Variants in TBCK observed in about 807,000 individuals in gnomAD.
TBCK encodes TBC domain-containing protein kinase-like protein.
In TBCK, 99 loss-of-function variants were observed where a neutral mutation model predicts 113.4. The ratio of observed to expected loss-of-function variants is 0.87; its 90% CI spans 0.74 to 1.03. The LOEUF (loss-of-function observed/expected upper bound fraction) is 1.03. Among genes scored for constraint, TBCK ranks in the 50% least tolerant of loss-of-function variants. The pLI is 0.00. For synonymous variants in TBCK, 369 were observed against 370.8 expected (o/e 1.00, Z 0.05); for missense variants, 1,045 against 1,061.3 (o/e 0.98, Z 0.21).
intron 2 of TBCK, among the ~76,000 whole-genome samples, chr4:106,302,438 C>T (rs976596835): frequency 9.9e-5 from 15 of 152,248 alleles, no homozygotes; most frequent in East Asian, 3.9e-4. Flanking sequence ...CATGCTATAA[C>T]GCAGTTCCTA....
At chr4:106,195,197 G>T (rs1055579380) in intron 20 of TBCK, among the ~76,000 whole-genome samples, 1 of 151,920 alleles carries the variant, frequency 6.6e-6, no homozygotes, top group East Asian at 1.9e-4. Context: ...TTTGTCAAAG[G>T]TTTTTCTTTT....
Position 106,236,530 on chromosome 4 carries a change from G to T in TBCK, c.1221-11C>A. The stretch of plus-strand genomic sequence containing the variant: ...GGTAAATTAGACTGGCTGTAAAAGA[G>T]AACAAAAGCAATAAAAAAAAAAAAT... On this transcript the variant is annotated splice_polypyrimidine_tract_variant and intron_variant, in intron 13 of 25. Coordinates refer to ENST00000394708, the MANE Select transcript of TBCK (RefSeq NM_001163435.3). 6.9e-7 allele frequency: 1 copy of T among 1,459,202 alleles called. No individual in the cohort carries two copies. The highest frequency in any genetic ancestry group is 1.6e-5 in the South Asian group (1 of 62,998). The allele number at this position is 1,459,202 out of a possible 1,614,324, so 90.4% of individuals were successfully genotyped here.
At chr4:106,061,608 C>T (rs1409612381) in intron 25 of TBCK, among the ~76,000 whole-genome samples, 3 of 151,168 alleles carry the variant, frequency 2.0e-5, no homozygotes, top group Non-Finnish European at 4.4e-5. Context: ...ATATTTGCCT[C>T]ATTGGGTTGG....
chr4:106,133,351 C>T (rs1348258533), intron 23 of TBCK, among the ~76,000 whole-genome samples: 3 of 152,172 alleles, frequency 2.0e-5, no homozygotes, highest in Non-Finnish European at 4.4e-5. Context: ...ATTCACCTTC[C>T]ACCATGACTG....
At chr4:106,235,224 T>C (rs961064349) in intron 15 of TBCK, 45 bp downstream of exon 15, 6 of 1,341,018 alleles carry the variant, frequency 4.5e-6, no homozygotes, top group Non-Finnish European at 6.2e-6. Flanking sequence ...CTCCATCCTT[T>C]CTTTGCATAA....
chr4:106,136,701 C>G (rs1746601439), intron 23 of TBCK, among the ~76,000 whole-genome samples: 1 of 140,130 alleles, frequency 7.1e-6, no homozygotes, highest in Non-Finnish European at 1.6e-5. Flanking sequence ...ATCCTAATTT[C>G]CTGAAGCTTA....
At chr4:106,260,297 T>C (rs774697944) in intron 5 of TBCK, 140 bp downstream of exon 5, 8 of 382,292 alleles carry the variant, frequency 2.1e-5, no homozygotes, top group Non-Finnish European at 3.8e-5. Context: ...TAAAAGTATA[T>C]GGAAAATTGA....
At chr4:106,067,774 G>A (rs1424497285) in intron 25 of TBCK, among the ~76,000 whole-genome samples, 1 of 152,048 alleles carries the variant, frequency 6.6e-6, no homozygotes, top group African/African-American at 2.4e-5. Context: ...AATGGTCTTG[G>A]CACCTTTGTC....
At chr4:106,293,197 C>T (rs935826056) in intron 3 of TBCK, among the ~76,000 whole-genome samples, 4 of 152,180 alleles carry the variant, frequency 2.6e-5, no homozygotes, top group Non-Finnish European at 1.5e-5. Flanking sequence ...AGATTAAAGT[C>T]AAGACAGAAT....
intron 25 of TBCK, among the ~76,000 whole-genome samples, chr4:106,084,739 T>C (rs1739301690): frequency 6.6e-6 from 1 of 152,178 alleles, no homozygotes; most frequent in South Asian, 2.1e-4. Context: ...AACAGCGGAC[T>C]TCTCAGGAGA....
At chr4:106,298,352 G>A (rs1196104050) in intron 2 of TBCK, among the ~76,000 whole-genome samples, 2 of 151,918 alleles carry the variant, frequency 1.3e-5, no homozygotes, top group African/African-American at 2.4e-5. Flanking sequence ...GGTAGCTCAC[G>A]CCTGTAATCC....
intron 19 of TBCK, among the ~76,000 whole-genome samples, chr4:106,218,242 G>A (rs1163664043): frequency 4.7e-5 from 7 of 148,348 alleles, no homozygotes; most frequent in African/African-American, 1.5e-4. Context: ...AGACTTAAAC[G>A]TTAGACCTAA....
intron 25 of TBCK, among the ~76,000 whole-genome samples, chr4:106,047,607 G>T (rs17200375): frequency 0.017 from 2,587 of 152,182 alleles, 34 homozygotes; most frequent in Middle Eastern, 0.099. Context: ...CTCAGCTCCC[G>T]AAGTTTCTTG....
intron 24 of TBCK, among the ~76,000 whole-genome samples, chr4:106,105,826 C>A (rs968551952): frequency 6.6e-6 from 1 of 152,210 alleles, no homozygotes; most frequent in Non-Finnish European, 1.5e-5. Context: ...AATGCAAGAA[C>A]TCCAGTAACT....
At chr4:106,171,476 T>C (rs1016852899) in intron 22 of TBCK, among the ~76,000 whole-genome samples, 24 of 152,130 alleles carry the variant, frequency 1.6e-4, no homozygotes, top group Non-Finnish European at 3.5e-4. Context: ...AATTTGCTTA[T>C]ATATATTTGT....
Position 106,140,984 on chromosome 4 carries a change from T to C in TBCK, c.2236-24606A>G, listed in dbSNP as rs1163615199. On this transcript the variant is annotated intron_variant, in intron 23 of 25. Coordinates refer to ENST00000394708, the MANE Select transcript of TBCK (RefSeq NM_001163435.3). ...TGGCTTATATTTAGTTCCTATTGAA[T>C]ACCAGACAGTGTGTTGATAAGATAT... is the stretch of plus-strand genomic sequence containing the variant. Among the ~76,000 whole-genome samples, 4 of 140,564 alleles carry C rather than the reference T, an allele frequency of 2.8e-5. 1 individual carries two copies. Among genetic ancestry groups the C allele is most frequent in the Non-Finnish European group, 6.5e-5 (4 of 61,904 alleles). 92.2% of individuals were successfully genotyped at this position (140,564 alleles called of 152,430 possible).
rs1461277107 is a variant in TBCK, at chr4:106,092,478, G to C, written c.2571+3004C>G. On this transcript the variant is annotated intron_variant, in intron 25 of 25. Transcript: ENST00000394708. ...GCACTCGTTGGGGAGTCTTGGGCCG[G>C]GCAGGAGCCCACGGTGGGTTGGGGG... 2.0e-5 allele frequency among the ~76,000 whole-genome samples: 3 copies of C among 152,222 alleles called. No individual in the cohort carries two copies. The East Asian group carries it at 5.8e-4, about 29-fold the overall frequency.
chr4:106,290,011 T>C (rs1765525579), intron 3 of TBCK, among the ~76,000 whole-genome samples: 1 of 152,100 alleles, frequency 6.6e-6, no homozygotes, highest in African/African-American at 2.4e-5. Context: ...GCATTGTAAA[T>C]CTTTACACAA....
intron 19 of TBCK, among the ~76,000 whole-genome samples, chr4:106,218,110 C>A (rs1378932628): frequency 6.9e-6 from 1 of 145,840 alleles, no homozygotes; most frequent in Admixed American, 6.8e-5. Flanking sequence ...GAAAAACAAG[C>A]AATGGGGAAA....
Sources: gnomAD v4.1 joint callset for allele counts (sites outside exome capture counted in the v4.1 genomes callset) on GRCh38, gnomAD v4.1.1 for gene constraint, MANE v1.5 for transcripts, NCBI Gene and HGNC (gene_info 2026-07-23, HGNC 2026-07-21) for gene names.